The following SCFD2 variants were observed in gnomAD, a reference collection of about 807,000 sequenced individuals.
The protein encoded by SCFD2 is sec1 family domain containing 2.
A neutral mutation model predicts 58.9 loss-of-function variants in SCFD2; 54 were observed. The observed-to-expected ratio is 0.92, with a 90% CI of 0.74 to 1.15. The LOEUF is 1.15. Ranked by LOEUF, SCFD2 falls within the 50% of genes most tolerant of loss-of-function variation. SCFD2 has a pLI of 0.00. For synonymous variants in SCFD2, 321 were observed against 335.9 expected (o/e 0.96, Z 0.49); for missense variants, 805 against 836.6 (o/e 0.96, Z 0.47).
chr4:53,218,390 T>C (rs1302782038), intron 4 of SCFD2, among the ~76,000 whole-genome samples: 1 of 152,244 alleles, frequency 6.6e-6, no homozygotes, highest in African/African-American at 2.4e-5. Flanking sequence ...ATTTCATTCA[T>C]TTGATCTTCT....
intron 4 of SCFD2, among the ~76,000 whole-genome samples, chr4:53,238,162 G>A (rs1450711066): frequency 7.2e-6 from 1 of 137,980 alleles, no homozygotes; most frequent in South Asian, 2.4e-4. Flanking sequence ...CAGACGGGGT[G>A]GCTGGCCGGG....
chr4:52,905,882 A>C (rs1719336443), intron 7 of SCFD2, among the ~76,000 whole-genome samples: 1 of 152,198 alleles, frequency 6.6e-6, no homozygotes, highest in African/African-American at 2.4e-5. Context: ...GCAGGTGGAT[A>C]TTCCTTACAC....
intron 5 of SCFD2, among the ~76,000 whole-genome samples, chr4:53,040,138 A>G (rs1176311916): frequency 6.6e-6 from 1 of 152,144 alleles, no homozygotes; most frequent in Non-Finnish European, 1.5e-5. Flanking sequence ...AATCCTACTT[A>G]TAAACTTCTT....
At chr4:53,211,340 A>C (rs534594533) in intron 4 of SCFD2, among the ~76,000 whole-genome samples, 1 of 152,002 alleles carries the variant, frequency 6.6e-6, no homozygotes, top group South Asian at 2.1e-4. Context: ...GTGGGCATGG[A>C]AGCTCCATTC....
intron 2 of SCFD2, among the ~76,000 whole-genome samples, chr4:53,324,722 T>A (rs1733131904): frequency 1.3e-5 from 2 of 151,954 alleles, no homozygotes; most frequent in Non-Finnish European, 2.9e-5. Context: ...TACATGGCGC[T>A]GGGGTGATGA....
In SCFD2 at chr4:53,352,661, G is replaced by A; in HGVS notation, c.944C>T (p.Thr315Ile). ...NDVMVNMIAL[T>I]ALHTEEENYN... ...ATTTTCCTCCTCAGTATGGAGTGCA[G>A]TGAGCGCTATCATGTTAACCATCAC... Residue 315 changes from threonine to isoleucine, a missense_variant, in exon 2 of 9, where the codon ACT becomes ATT. Thr to Ile is a moderately conservative substitution (Grantham distance 89). Around this residue, in one of 3 missense-constraint regions of SCFD2, gnomAD observed 633 missense variants for 646.8 expected, o/e 0.98. Coordinates refer to ENST00000401642, the MANE Select transcript of SCFD2 (RefSeq NM_152540.4). 1 of 1,614,018 alleles carries A rather than the reference G, an allele frequency of 6.2e-7. No homozygotes were observed.
intron 7 of SCFD2, among the ~76,000 whole-genome samples, chr4:52,891,404 G>A (rs144760338): frequency 1.3e-5 from 2 of 152,288 alleles, no homozygotes; most frequent in Admixed American, 6.5e-5. Flanking sequence ...TCAGGTGGGG[G>A]AGGGTAAGTG....
At chr4:52,937,480 G>T (rs1022148535) in intron 5 of SCFD2, among the ~76,000 whole-genome samples, 1 of 152,192 alleles carries the variant, frequency 6.6e-6, no homozygotes, top group African/African-American at 2.4e-5. Flanking sequence ...CAGACCATCT[G>T]CAAGGGGCTC....
rs368188460 is a variant in SCFD2 at position 53,264,609 on chromosome 4, T to C, written c.1311+9217A>G. On this transcript the variant is annotated intron_variant, in intron 4 of 8. Transcript: ENST00000401642. ...TTATAAAACAGAACCTCCCAGGGTG[T>C]TGGTGAAGTCAGGAATGGCACTAAA... Among the ~76,000 whole-genome samples the C allele has an allele frequency of 1.7e-4, 26 of 152,212 alleles. 1 individual carries two copies. In the South Asian group the frequency reaches 2.3e-3, roughly 13 times the overall value.
At chr4:53,095,523 A>G (rs1577722247) in intron 5 of SCFD2, among the ~76,000 whole-genome samples, 1 of 152,144 alleles carries the variant, frequency 6.6e-6, no homozygotes, top group South Asian at 2.1e-4. Flanking sequence ...ACAAGAGTCC[A>G]TGCTCCCAGT....
intron 3 of SCFD2, among the ~76,000 whole-genome samples, chr4:53,308,800 G>T (rs191651432): frequency 2.6e-5 from 4 of 152,184 alleles, no homozygotes; most frequent in Admixed American, 2.6e-4. Flanking sequence ...GGCATTGGTG[G>T]AAAACAAAAA....
At chr4:53,138,004 C>T (rs1224887767) in intron 5 of SCFD2, among the ~76,000 whole-genome samples, 1 of 152,128 alleles carries the variant, frequency 6.6e-6, no homozygotes, top group African/African-American at 2.4e-5. Flanking sequence ...ATAAGAGTCT[C>T]GTCCACTTAC....
intron 8 of SCFD2, 104 bp downstream of exon 8, chr4:52,885,643 G>A: frequency 7.4e-7 from 1 of 1,352,076 alleles, no homozygotes; most frequent in Non-Finnish European, 1.0e-6. Context: ...GTGATGGGCA[G>A]GCAGGCTAGG....
At chr4:53,204,180 T>A (rs565594426) in intron 4 of SCFD2, among the ~76,000 whole-genome samples, 1 of 152,084 alleles carries the variant, frequency 6.6e-6, no homozygotes, top group Non-Finnish European at 1.5e-5. Context: ...GCCTGTTCCA[T>A]TGGCTTTTTA....
chr4:53,151,903 A>G (rs1726518952), intron 4 of SCFD2, among the ~76,000 whole-genome samples: 1 of 152,202 alleles, frequency 6.6e-6, no homozygotes, highest in African/African-American at 2.4e-5. Context: ...ATGATAAGAG[A>G]GAGCAAGAGA....
At chr4:53,344,008 A>C (rs1245208355) in intron 2 of SCFD2, among the ~76,000 whole-genome samples, 1 of 152,188 alleles carries the variant, frequency 6.6e-6, no homozygotes, top group Non-Finnish European at 1.5e-5. Flanking sequence ...AATGGACAAA[A>C]ACTGGAAGCA....
At chr4:53,245,756 C>T (rs1175161956) in intron 4 of SCFD2, among the ~76,000 whole-genome samples, 1 of 152,122 alleles carries the variant, frequency 6.6e-6, no homozygotes, top group Non-Finnish European at 1.5e-5. Context: ...ACTGAATGGG[C>T]AAAAGCTGGA....
At chr4:52,938,785 T>C (rs1720209969) in intron 5 of SCFD2, among the ~76,000 whole-genome samples, 1 of 152,208 alleles carries the variant, frequency 6.6e-6, no homozygotes, top group Non-Finnish European at 1.5e-5. Flanking sequence ...CCTAAATGAA[T>C]AAGGTTTCAT....
At chr4:52,923,693 T>C (rs1719798611) in intron 5 of SCFD2, among the ~76,000 whole-genome samples, 1 of 152,108 alleles carries the variant, frequency 6.6e-6, no homozygotes, top group African/African-American at 2.4e-5. Flanking sequence ...TGTGTAGTTT[T>C]ATGGGGAGCA....
Sources: allele counts gnomAD v4.1 joint callset (sites outside exome capture counted in the v4.1 genomes callset), GRCh38; gene constraint gnomAD v4.1.1; regional missense constraint gnomAD v4.1.1; transcripts MANE v1.5; gene names NCBI Gene and HGNC (gene_info 2026-07-23, HGNC 2026-07-21).